Variants in NKAIN3 observed in about 807,000 individuals in gnomAD.
The protein encoded by NKAIN3 is sodium/potassium transporting ATPase interacting 3.
In NKAIN3, 25 loss-of-function variants were observed where a neutral mutation model predicts 30.2. That is an observed-to-expected ratio of 0.83 (90% CI 0.60 to 1.16). The LOEUF (loss-of-function observed/expected upper bound fraction) is 1.16. Ranked by LOEUF, NKAIN3 falls within the 50% of genes most tolerant of loss-of-function variation. The probability of loss-of-function intolerance (pLI) is 0.00; values close to 1 mark genes in which losing one functional copy is unlikely to be tolerated. For synonymous variants in NKAIN3, 91 were observed against 89.6 expected (o/e 1.02, Z -0.09); for missense variants, 225 against 254.1 (o/e 0.89, Z 0.78).
At chr8:62,576,863 T>G (rs1810125631) in intron 1 of NKAIN3, among the ~76,000 whole-genome samples, 1 of 152,076 alleles carries the variant, frequency 6.6e-6, no homozygotes, top group African/African-American at 2.4e-5. Flanking sequence ...TGGATATAAT[T>G]TCATCTTATT....
intron 1 of NKAIN3, among the ~76,000 whole-genome samples, chr8:62,514,972 A>G (rs1201665656): frequency 1.3e-5 from 2 of 152,222 alleles, no homozygotes; most frequent in East Asian, 3.9e-4. Context: ...GTATTGATAT[A>G]ATCATAATCC....
rs1339534545 is a variant in NKAIN3 at position 62,768,708 on chromosome 8, CTG to C, written c.471+21580_471+21581del. ...CCAACCTAAGCTTCATGGAGACAGA[CTG>C]GGGCTGACAAAAGGTAAATGGTTTT... On this transcript the variant is annotated intron_variant, in intron 4 of 6. Transcript: ENST00000623646. Among the ~76,000 whole-genome samples the C allele has an allele frequency of 3.9e-5, 6 of 152,256 alleles. No individual in the cohort carries two copies. In the East Asian group the frequency reaches 1.2e-3, roughly 29 times the overall value.
chr8:62,918,135 T>C (rs1822163972), intron 4 of NKAIN3, among the ~76,000 whole-genome samples: 1 of 152,142 alleles, frequency 6.6e-6, no homozygotes, highest in Non-Finnish European at 1.5e-5. Context: ...CAGAAAAAAA[T>C]CAAAACTTTA....
At chr8:62,474,127 C>G (rs144722702) in intron 1 of NKAIN3, 1 of 152,134 alleles carries the variant, frequency 6.6e-6, no homozygotes, top group Admixed American at 6.6e-5. Flanking sequence ...AGTGGAATCC[C>G]ACTTTCAATT....
At chr8:62,830,984 C>G (rs1819179404) in intron 4 of NKAIN3, among the ~76,000 whole-genome samples, 2 of 152,142 alleles carry the variant, frequency 1.3e-5, no homozygotes, top group South Asian at 4.1e-4. Flanking sequence ...CCTATATACT[C>G]CACGTATCAG....
intron 4 of NKAIN3, among the ~76,000 whole-genome samples, chr8:62,839,641 T>C (rs576937044): frequency 6.6e-6 from 1 of 152,176 alleles, no homozygotes; most frequent in East Asian, 1.9e-4. Flanking sequence ...TGGAGTGCAG[T>C]AGTGTGATCA....
intron 3 of NKAIN3, among the ~76,000 whole-genome samples, chr8:62,607,413 G>A (rs1387215615): frequency 6.6e-6 from 1 of 152,048 alleles, no homozygotes; most frequent in East Asian, 1.9e-4. Context: ...CCTTCTCTTG[G>A]GACCATTCAG....
chr8:62,369,366 T>C (rs989253484), intron 1 of NKAIN3, among the ~76,000 whole-genome samples: 5 of 152,130 alleles, frequency 3.3e-5, no homozygotes, highest in Admixed American at 6.5e-5. Flanking sequence ...TTAATATTTG[T>C]TTGATCTGCA....
intron 4 of NKAIN3, among the ~76,000 whole-genome samples, chr8:62,913,131 TGA>T (rs1248423991): frequency 7.5e-6 from 1 of 133,658 alleles, no homozygotes; most frequent in Non-Finnish European, 1.6e-5. Context: ...AGGAACTGCC[TGA>T]GGCTGTTTTG....
chr8:62,857,042 C>T, intron 4 of NKAIN3: 1 of 508,058 alleles, frequency 2.0e-6, no homozygotes. Flanking sequence ...TTCTTTGCTT[C>T]TTCATCGGCC....
At chr8:62,411,056 C>A (rs1468455325) in intron 1 of NKAIN3, among the ~76,000 whole-genome samples, 1 of 152,078 alleles carries the variant, frequency 6.6e-6, no homozygotes, top group East Asian at 1.9e-4. Flanking sequence ...CTAGCATCAG[C>A]CTAACACCAA....
chr8:62,798,952 C>T (rs545770199), intron 4 of NKAIN3, among the ~76,000 whole-genome samples: 1 of 152,170 alleles, frequency 6.6e-6, no homozygotes, highest in South Asian at 2.1e-4. Context: ...AGGCCCCTGA[C>T]CTGGAGTCAA....
At chr8:62,921,334 T>C (rs557464730) in intron 5 of NKAIN3, among the ~76,000 whole-genome samples, 1 of 152,290 alleles carries the variant, frequency 6.6e-6, no homozygotes, top group African/African-American at 2.4e-5. Flanking sequence ...AATTTCTGCA[T>C]TATTCAAAAT....
chr8:62,590,371 A>G (rs1052371767), intron 3 of NKAIN3, among the ~76,000 whole-genome samples: 2 of 151,862 alleles, frequency 1.3e-5, no homozygotes, highest in Non-Finnish European at 2.9e-5. Flanking sequence ...TACACACGTT[A>G]TTTCTGCCTG....
At chr8:62,878,845 C>T (rs1444212776) in intron 4 of NKAIN3, among the ~76,000 whole-genome samples, 3 of 152,088 alleles carry the variant, frequency 2.0e-5, no homozygotes, top group Admixed American at 6.6e-5. Context: ...ATGAACTCAT[C>T]ATTTTTTATG....
intron 3 of NKAIN3, among the ~76,000 whole-genome samples, chr8:62,636,026 A>C (rs1231859725): frequency 2.0e-5 from 3 of 152,182 alleles, no homozygotes; most frequent in African/African-American, 7.2e-5. Flanking sequence ...GTCTGCACCA[A>C]GTTCAGAATG....
chr8:62,808,996 T>C (rs1216791880), intron 4 of NKAIN3, among the ~76,000 whole-genome samples: 1 of 152,146 alleles, frequency 6.6e-6, no homozygotes, highest in South Asian at 2.1e-4. Context: ...GTGGCCATTT[T>C]AGAGACCTAC....
At chr8:62,950,398 T>G (rs1376925189) in intron 5 of NKAIN3, among the ~76,000 whole-genome samples, 1 of 152,202 alleles carries the variant, frequency 6.6e-6, no homozygotes, top group East Asian at 1.9e-4. Context: ...CCAAAAAGAC[T>G]CATTGCTCTA....
At chr8:62,817,187 T>G (rs929408774) in intron 4 of NKAIN3, among the ~76,000 whole-genome samples, 1 of 152,162 alleles carries the variant, frequency 6.6e-6, no homozygotes, top group Non-Finnish European at 1.5e-5. Flanking sequence ...TTGATCTTTT[T>G]TTGTGGAGGA....
Sources: gnomAD v4.1 joint callset for allele counts (sites outside exome capture counted in the v4.1 genomes callset) on GRCh38, gnomAD v4.1.1 for gene constraint, MANE v1.5 for transcripts, NCBI Gene and HGNC (gene_info 2026-07-23, HGNC 2026-07-21) for gene names.